The following SMYD1 variants were observed in gnomAD, a reference collection of about 807,000 sequenced individuals.
SMYD1 encodes SET and MYND domain containing 1.
SMYD1 carries 49 observed loss-of-function variants against 54.0 expected under a neutral mutation model. The observed-to-expected ratio is 0.91, with a 90% CI of 0.72 to 1.15. The LOEUF (loss-of-function observed/expected upper bound fraction) is 1.15. SMYD1 is among the 50% of genes most tolerant of loss of function. SMYD1 has a pLI of 0.00. For missense variants in SMYD1, 653 were observed against 639.6 expected (o/e 1.02, Z -0.23); for synonymous variants, 269 against 234.2 (o/e 1.15, Z -1.36).
intron 3 of SMYD1, among the ~76,000 whole-genome samples, chr2:88,088,813 G>T (rs1388989476): frequency 1.3e-5 from 2 of 152,132 alleles, no homozygotes; most frequent in Non-Finnish European, 2.9e-5. Context: ...GGGGAGTCAG[G>T]GTTTTGGGGT....
Position 88,096,629 on chromosome 2 carries a change from G to A in SMYD1, c.733G>A (p.Gly245Arg), listed in dbSNP as rs766107282. The change falls in exon 6 of 10, where the codon GGA (glycine) becomes AGA (arginine). Residue 245 changes from glycine (G) to arginine (R), a missense_variant. Gly to Arg is a moderately radical substitution (Grantham distance 125). Coordinates refer to ENST00000419482, the MANE Select transcript of SMYD1 (RefSeq NM_198274.4). ...ELRALGKISE[G>R]EELTVSYIDF... ...CCGGGCCCTAGGCAAGATCTCAGAA[G>A]GAGAGGAGCTGACTGTGTCCTATAT... is the stretch of plus-strand genomic sequence containing the variant. 6.2e-7 allele frequency: 1 copy of A among 1,613,758 alleles called. No homozygotes were observed. Among genetic ancestry groups the A allele is most frequent in the South Asian group, 1.1e-5 (1 of 90,972 alleles).
intron 7 of SMYD1, 139 bp from the exon 8 acceptor site, chr2:88,106,184 ACC>A: frequency 8.8e-7 from 1 of 1,135,976 alleles, no homozygotes; most frequent in South Asian, 1.5e-5. Flanking sequence ...CATACCCCAA[ACC>A]TGTGCTTTCC....
At chr2:88,078,052 C>T (rs1014710565) in intron 1 of SMYD1, among the ~76,000 whole-genome samples, 4 of 152,264 alleles carry the variant, frequency 2.6e-5, no homozygotes, top group Non-Finnish European at 2.9e-5. Context: ...CAGGGGAGTG[C>T]CCTTGTCCCC....
At chr2:88,097,313 G>A (rs550162986) in intron 6 of SMYD1, among the ~76,000 whole-genome samples, 1 of 152,284 alleles carries the variant, frequency 6.6e-6, no homozygotes, top group South Asian at 2.1e-4. Context: ...GCCAGTTGAT[G>A]GTGAGTCTGT....
chr2:88,105,197 A>G (rs927378931), intron 7 of SMYD1, among the ~76,000 whole-genome samples: 1 of 152,188 alleles, frequency 6.6e-6, no homozygotes, highest in Non-Finnish European at 1.5e-5. Context: ...CTGCGGCTCA[A>G]CTGCTTGGTT....
At chr2:88,084,633 C>T (rs1674280014) in intron 2 of SMYD1, 141 bp downstream of exon 2, 1 of 718,752 alleles carries the variant, frequency 1.4e-6, no homozygotes, top group South Asian at 2.5e-5. Context: ...ATGGTCACTT[C>T]TCTTCACTCC....
intron 2 of SMYD1, among the ~76,000 whole-genome samples, chr2:88,085,191 A>G (rs1271196435): frequency 6.6e-6 from 1 of 152,248 alleles, no homozygotes; most frequent in Non-Finnish European, 1.5e-5. Context: ...AGAGCTGAGT[A>G]GTATCTGCCA....
At chr2:88,105,673 C>T (rs1171001125) in intron 7 of SMYD1, among the ~76,000 whole-genome samples, 1 of 152,162 alleles carries the variant, frequency 6.6e-6, no homozygotes, top group Admixed American at 6.5e-5. Flanking sequence ...TGGTGGGGCT[C>T]ATGCCTGTAA....
chr2:88,067,939 G>C lies in SMYD1; in HGVS notation c.75G>C (p.Lys25Asn). 6.2e-7 allele frequency: 1 copy of C among 1,614,076 alleles called. No individual in the cohort carries two copies. Among genetic ancestry groups the C allele is most frequent in the Non-Finnish European group, 8.5e-7 (1 of 1,180,030 alleles). Residue 25 changes from lysine to asparagine, a missense_variant, in exon 1 of 10, where the codon AAG becomes AAC. Coordinates refer to ENST00000419482, the MANE Select transcript of SMYD1 (RefSeq NM_198274.4). The part of the protein sequence containing the change: ...EGKGRGLKAT[K>N]EFWAADIIFA... The stretch of plus-strand genomic sequence containing the variant: ...AAGGAAGGGGTCTGAAGGCCACCAA[G>C]GAGTTCTGGGCTGCAGATATCATCT...
chr2:88,110,200 A>AGAGTGTGTGTGTGTGTGT (rs139694354), intron 9 of SMYD1, among the ~76,000 whole-genome samples, 154 bp from the exon 10 acceptor site: 42 of 139,092 alleles, frequency 3.0e-4, no homozygotes, highest in Middle Eastern at 3.4e-3. Flanking sequence ...TTGATGAATG[A>AGAGTGTGTGTGTGTGTGT]GTGTGTGTGT....
intron 7 of SMYD1, 149 bp from the exon 8 acceptor site, chr2:88,106,176 T>G (rs1449622353): frequency 1.9e-6 from 2 of 1,033,742 alleles, no homozygotes; most frequent in African/African-American, 3.2e-5. Flanking sequence ...TTGCAATTCA[T>G]ACCCCAAACC....
At chr2:88,073,766 C>A (rs1673998419) in intron 1 of SMYD1, among the ~76,000 whole-genome samples, 1 of 152,204 alleles carries the variant, frequency 6.6e-6, no homozygotes, top group African/African-American at 2.4e-5. Context: ...TTCACTTTTT[C>A]ATGTTTGTCA....
At chr2:88,088,622 G>A (rs963276514) in intron 3 of SMYD1, among the ~76,000 whole-genome samples, 1 of 151,314 alleles carries the variant, frequency 6.6e-6, no homozygotes. Flanking sequence ...GGTAGATTTG[G>A]ATGGTAATTT....
At position 88,110,983 on chromosome 2, in the gene SMYD1, C is replaced by T. The variant is rs566944083; in HGVS notation, c.*471C>T. On this transcript the variant is annotated 3_prime_UTR_variant, in exon 10 of 10. Coordinates refer to ENST00000419482, the MANE Select transcript of SMYD1 (RefSeq NM_198274.4). ...CCTGGAGTCTCAGGTGGCTGCTCAC[C>T]CATCTGTGCAGGTGTCTCTGGGGCT... 1 of 155,636 alleles carries T rather than the reference C, an allele frequency of 6.4e-6. No individual in the cohort carries two copies. Among genetic ancestry groups the T allele is most frequent in the Non-Finnish European group, 1.4e-5 (1 of 70,532 alleles). 9.6% of individuals were successfully genotyped at this position (155,636 alleles called of 1,614,324 possible).
Position 88,067,838 on chromosome 2 carries a change from T to A in SMYD1, c.-27T>A. The stretch of plus-strand genomic sequence containing the variant: ...GAGACTTGGCTCAGTGTTAAATAAC[T>A]GCCGCGCTGGCCTGACAGTCTCTGA... On this transcript the variant is annotated 5_prime_UTR_variant, in exon 1 of 10. Transcript: ENST00000419482. The A allele has an allele frequency of 6.2e-7, 1 of 1,609,028 alleles. No individual in the cohort carries two copies. The highest frequency in any genetic ancestry group is 8.5e-7 in the Non-Finnish European group (1 of 1,178,016).
chr2:88,068,234 G>A (rs367705584), intron 1 of SMYD1, among the ~76,000 whole-genome samples: 3 of 152,230 alleles, frequency 2.0e-5, no homozygotes, highest in African/African-American at 4.8e-5. Context: ...CAAAGGCTTC[G>A]GGGGCACTTT....
intron 1 of SMYD1, chr2:88,083,066 C>T (rs1674234858): frequency 6.6e-6 from 1 of 152,182 alleles, no homozygotes; most frequent in Admixed American, 6.5e-5. Context: ...CTCTGGAATT[C>T]TGTGATTCTA....
At chr2:88,074,775 G>C (rs1674022771) in intron 1 of SMYD1, among the ~76,000 whole-genome samples, 1 of 152,148 alleles carries the variant, frequency 6.6e-6, no homozygotes, top group South Asian at 2.1e-4. Context: ...AGATAGTGGG[G>C]AACATGAGAA....
chr2:88,090,980 C>T (rs373545728), intron 3 of SMYD1, 32 bp from the exon 4 acceptor site: 32 of 1,600,882 alleles, frequency 2.0e-5, no homozygotes, highest in Middle Eastern at 1.7e-4. Flanking sequence ...CCATGTCTGT[C>T]GACTGACTCT....
Sources: gnomAD v4.1 joint callset for allele counts (sites outside exome capture counted in the v4.1 genomes callset) on GRCh38, gnomAD v4.1.1 for gene constraint, MANE v1.5 for transcripts, NCBI Gene and HGNC (gene_info 2026-07-23, HGNC 2026-07-21) for gene names.